The following ZDHHC11B variants were observed in gnomAD, a reference collection of about 807,000 sequenced individuals.
ZDHHC11B encodes the protein probable palmitoyltransferase ZDHHC11B.
A neutral mutation model predicts 42.3 loss-of-function variants in ZDHHC11B; 17 were observed. That is an observed-to-expected ratio of 0.40 (90% confidence interval 0.27 to 0.60). The LOEUF is 0.60. ZDHHC11B is among the 20% of genes least tolerant of loss of function. ZDHHC11B has a pLI of 0.41. For missense variants in ZDHHC11B, 262 were observed against 463.2 expected, an observed-to-expected ratio of 0.57 and a Z score of 3.99; for synonymous variants, 123 against 193.5, an observed-to-expected ratio of 0.64 and a Z score of 3.02.
intron 1 of ZDHHC11B, among the ~76,000 whole-genome samples, chr5:776,343 T>C (rs1736480207): frequency 6.6e-6 from 1 of 151,768 alleles, no homozygotes; most frequent in African/African-American, 2.4e-5. Flanking sequence ...CGCCCAGTGC[T>C]CCATCATGAC....
chr5:745,050 GAC>G (rs1347316445), intron 9 of ZDHHC11B, 131 bp downstream of exon 9: 37 of 954,486 alleles, frequency 3.9e-5, no homozygotes, highest in Admixed American at 4.6e-5. Flanking sequence ...CTCACACACA[GAC>G]ACACACACAG....
intron 13 of ZDHHC11B, 30 bp downstream of exon 13, chr5:716,771 C>T: frequency 1.2e-6 from 2 of 1,612,710 alleles, no homozygotes; most frequent in Non-Finnish European, 1.7e-6. Flanking sequence ...GGGTAGATTT[C>T]AACATGACCT....
chr5:713,413 G>T (rs1330835285), intron 13 of ZDHHC11B, among the ~76,000 whole-genome samples: 4 of 151,810 alleles, frequency 2.6e-5, no homozygotes, highest in African/African-American at 7.3e-5. Flanking sequence ...TTATGTTTTG[G>T]TCTGCCAAAT....
chr5:731,239 C>T (rs1191514864), intron 11 of ZDHHC11B, among the ~76,000 whole-genome samples: 2 of 150,394 alleles, frequency 1.3e-5, no homozygotes, highest in Non-Finnish European at 3.0e-5. Context: ...TGATATTGAT[C>T]ACCTTTTTTT....
Position 773,787 on chromosome 5 carries a change from A to G in ZDHHC11B, c.-229-4857T>C, listed in dbSNP as rs150079611. Among the ~76,000 whole-genome samples, 1,117 of 150,334 alleles carry G rather than the reference A, an allele frequency of 7.4e-3. 29 individuals carry two copies. Among genetic ancestry groups the G allele is most frequent in the African/African-American group, 0.025 (1,030 of 40,750 alleles). ...CCACCCCACTTGCGCCCCAACCCCC[A>G]GGGCCAGGACCTGCTTGGAGACTGA... is the stretch of plus-strand genomic sequence containing the variant. On this transcript the variant is annotated intron_variant, in intron 1 of 13. Coordinates refer to ENST00000508859, the MANE Select transcript of ZDHHC11B (RefSeq NM_001351303.2).
At chr5:777,166 C>T (rs566215794) in intron 1 of ZDHHC11B, among the ~76,000 whole-genome samples, 8 of 151,902 alleles carry the variant, frequency 5.3e-5, no homozygotes, top group Admixed American at 1.3e-4. Context: ...TCTGGAGTTT[C>T]TTCCTTCTGG....
At chr5:746,456 C>T (rs1269348389) in intron 8 of ZDHHC11B, among the ~76,000 whole-genome samples, 1 of 126,366 alleles carries the variant, frequency 7.9e-6, no homozygotes, top group Non-Finnish European at 1.8e-5. Context: ...TGCTTCCAGG[C>T]ATCCTGCCTC....
Position 724,997 on chromosome 5 carries a change from G to A in ZDHHC11B, c.1058+5437C>T, listed in dbSNP as rs1742468406. Among the ~76,000 whole-genome samples the A allele has an allele frequency of 2.0e-5, 3 of 148,916 alleles. No individual in the cohort carries two copies. The South Asian group carries it at 6.5e-4, about 33-fold the overall frequency. ...TTGCTGTTGGAGCAGCACCCTTCAG[G>A]ACCCTTCCTGTAGATGGTGAGCCTG... On this transcript the variant is annotated intron_variant, in intron 12 of 13. Coordinates refer to ENST00000508859, the MANE Select transcript of ZDHHC11B (RefSeq NM_001351303.2).
At chr5:718,590 G>A (rs1466646167) in intron 12 of ZDHHC11B, among the ~76,000 whole-genome samples, 2 of 151,484 alleles carry the variant, frequency 1.3e-5, no homozygotes, top group African/African-American at 4.9e-5. Context: ...CAGTTACTCG[G>A]GAGGCTGAGG....
intron 6 of ZDHHC11B, among the ~76,000 whole-genome samples, chr5:753,506 G>T (rs1446108565): frequency 1.4e-5 from 2 of 138,406 alleles, no homozygotes; most frequent in African/African-American, 2.5e-5. Context: ...ACCTGCCTGT[G>T]GGCCCTCACC....
intron 4 of ZDHHC11B, among the ~76,000 whole-genome samples, chr5:762,180 C>G (rs1462366543): frequency 1.4e-5 from 1 of 70,124 alleles, no homozygotes; most frequent in African/African-American, 6.0e-5. Context: ...TGGACAGCCA[C>G]TCACAGTCCC....
At chr5:760,124 G>C (rs1208489083) in intron 4 of ZDHHC11B, among the ~76,000 whole-genome samples, 2 of 151,812 alleles carry the variant, frequency 1.3e-5, no homozygotes, top group Non-Finnish European at 2.9e-5. Flanking sequence ...ACAGCTCAGA[G>C]GCACGCGTGG....
At position 711,193 on chromosome 5, in the gene ZDHHC11B, C is replaced by A; in HGVS notation, c.*1097G>T. On this transcript the variant is annotated 3_prime_UTR_variant, in exon 14 of 14. Coordinates refer to ENST00000508859, the MANE Select transcript of ZDHHC11B (RefSeq NM_001351303.2). ...TTCCCAGTACTATGCTCCCATTTCC[C>A]AGTGCTGTGCCCTCCCCTTTCCCAG... is the stretch of plus-strand genomic sequence containing the variant. The A allele has an allele frequency of 6.4e-6, 1 of 155,842 alleles. No homozygotes were observed. Among genetic ancestry groups the A allele is most frequent in the Middle Eastern group, 5.2e-4 (1 of 1,930 alleles). The allele number at this position is 155,842 out of a possible 1,614,324, so 9.7% of individuals were successfully genotyped here.
chr5:749,147 G>A (rs1379168549), intron 7 of ZDHHC11B, among the ~76,000 whole-genome samples: 1 of 128,974 alleles, frequency 7.8e-6, no homozygotes, highest in African/African-American at 2.5e-5. Flanking sequence ...TGGCTCTGCC[G>A]AGTCCCAGCA....
Position 731,537 on chromosome 5 carries a change from T to C in ZDHHC11B, c.1024-1069A>G, listed in dbSNP as rs563175173. ...TATTGTTGCCTTGGTGAAGAACGTG[T>C]TCAATCTTTCACCCATTTAAAAACT... On this transcript the variant is annotated intron_variant, in intron 11 of 13. Transcript: ENST00000508859. Among the ~76,000 whole-genome samples the C allele has an allele frequency of 8.5e-4, 129 of 151,378 alleles. 1 individual carries two copies. The highest frequency in any genetic ancestry group is 3.1e-3 in the African/African-American group (125 of 40,884).
At chr5:718,442 GGT>G (rs1741930079) in intron 12 of ZDHHC11B, among the ~76,000 whole-genome samples, 1 of 151,776 alleles carries the variant, frequency 6.6e-6, no homozygotes, top group Admixed American at 6.6e-5. Flanking sequence ...GGGAGGCTGA[GGT>G]GGGTGGATCA....
chr5:769,719 C>T (rs191098502), intron 1 of ZDHHC11B, among the ~76,000 whole-genome samples: 31 of 152,080 alleles, frequency 2.0e-4, no homozygotes, highest in East Asian at 1.9e-3. Flanking sequence ...GCCTAGTGCG[C>T]GCCATCCTTC....
chr5:770,976 G>A (rs1483470737), intron 1 of ZDHHC11B, among the ~76,000 whole-genome samples: 1 of 151,888 alleles, frequency 6.6e-6, no homozygotes, highest in African/African-American at 2.4e-5. Context: ...GCTTCGGTAA[G>A]ACCCAGTCAG....
At chr5:776,041 GTAC>G (rs1736450306) in intron 1 of ZDHHC11B, among the ~76,000 whole-genome samples, 1 of 149,724 alleles carries the variant, frequency 6.7e-6, no homozygotes, top group African/African-American at 2.5e-5. Context: ...TCAGCTGGGT[GTAC>G]TGCCGCTGGG....
Sources: allele counts gnomAD v4.1 joint callset (sites outside exome capture counted in the v4.1 genomes callset), GRCh38; gene constraint gnomAD v4.1.1; transcripts MANE v1.5; gene names NCBI Gene and HGNC (gene_info 2026-07-23, HGNC 2026-07-21).